LTBP4: variants seen among roughly 807,000 people sequenced by gnomAD.
LTBP4 encodes latent transforming growth factor beta binding protein 4, also known as latent-transforming growth factor beta-binding protein 4.
A neutral mutation model predicts 180.2 loss-of-function variants in LTBP4; 93 were observed. That is an observed-to-expected ratio of 0.52 (90% CI 0.44 to 0.61). The LOEUF (loss-of-function observed/expected upper bound fraction) is 0.61, where lower values mean the gene tolerates loss of function less well. LTBP4 is among the 20% of genes least tolerant of loss of function. The pLI, the probability that LTBP4 is intolerant of heterozygous loss-of-function variation, is 0.00. For missense variants in LTBP4, 2,116 were observed against 2,256.5 expected, an observed-to-expected ratio of 0.94 and a Z score of 1.26; for synonymous variants, 947 against 934.5, an observed-to-expected ratio of 1.01 and a Z score of -0.24.
intron 1 of LTBP4, among the ~76,000 whole-genome samples, chr19:40,604,827 C>A (rs976046115): frequency 6.6e-6 from 1 of 152,138 alleles, no homozygotes; most frequent in East Asian, 1.9e-4. Context: ...GGCAATAGAG[C>A]GAGATCCTGC....
chr19:40,627,380 G>C, intron 28 of LTBP4, 25 bp downstream of exon 28: 3 of 1,475,264 alleles, frequency 2.0e-6, no homozygotes, highest in Non-Finnish European at 2.7e-6. Context: ...CGCATGATGA[G>C]ACTGAGATGA....
rs1481024335 is a variant in LTBP4 at position 40,609,680 on chromosome 19, G to A, written c.1558+19G>A. 6.2e-7 allele frequency: 1 copy of A among 1,612,072 alleles called. No individual in the cohort carries two copies. The highest frequency in any genetic ancestry group is 8.5e-7 in the Non-Finnish European group (1 of 1,178,908). On this transcript the variant is annotated intron_variant, in intron 10 of 29. Coordinates refer to ENST00000396819, the MANE Select transcript of LTBP4 (RefSeq NM_001042545.2). This position sits in a 1 kb window ranked among gnomAD's most constrained non-coding sequence, Gnocchi z 4.9. ...TGCATTGGTGAGCAAGACGGAGGGC[G>A]CGGAAGGAGGCGGGGCGGGGGGCTT...
rs1484832639 is a variant in LTBP4, at chr19:40,616,871, C to T, written c.2813-18C>T. 6.2e-7 allele frequency: 1 copy of T among 1,612,872 alleles called. No homozygotes were observed. The highest frequency in any genetic ancestry group is 1.1e-5 in the South Asian group (1 of 90,792). On this transcript the variant is annotated intron_variant, in intron 19 of 29. Coordinates refer to ENST00000396819, the MANE Select transcript of LTBP4 (RefSeq NM_001042545.2). ...TTCAGGCCTTTGACTCCCCTTTCATCTCCTCCACACTCTGCAGATGTGGAT... is the reference window on the plus strand; with the variant it reads ...TTCAGGCCTTTGACTCCCCTTTCATTTCCTCCACACTCTGCAGATGTGGAT...
intron 24 of LTBP4, 35 bp from the exon 25 acceptor site, chr19:40,623,569 G>A: frequency 6.3e-7 from 1 of 1,599,102 alleles, no homozygotes; most frequent in South Asian, 1.1e-5. Flanking sequence ...CACCCATCCA[G>A]CCCGCCCCCA....
In LTBP4 at chr19:40,613,643, G is replaced by A; in HGVS notation, c.2557+114G>A. ...ACGAGTTTTTAGCCGGGGTATTCCA[G>A]CAGGATCAGGGGGCAGCTGGTGGGA... On this transcript the variant is annotated intron_variant, in intron 17 of 29. Coordinates refer to ENST00000396819, the MANE Select transcript of LTBP4 (RefSeq NM_001042545.2). This position sits in a 1 kb window ranked among gnomAD's most constrained non-coding sequence, Gnocchi z 5.0. The A allele has an allele frequency of 6.7e-7, 1 of 1,501,080 alleles. No individual in the cohort carries two copies. Among genetic ancestry groups the A allele is most frequent in the African/African-American group, 1.4e-5 (1 of 72,386 alleles). 93.0% of individuals were successfully genotyped at this position (1,501,080 alleles called of 1,614,324 possible).
At chr19:40,597,037 C>T (rs1305057602), upstream of LTBP4, among the ~76,000 whole-genome samples, 2 of 152,150 alleles carry the variant, frequency 1.3e-5, 1 homozygote, top group South Asian at 4.1e-4. Flanking sequence ...CCTGTCCCTG[C>T]TGCCTCCTGA....
chr19:40,597,301 G>A (rs1414997933), upstream of LTBP4: 19 of 1,525,830 alleles, frequency 1.2e-5, no homozygotes, highest in Non-Finnish European at 1.6e-5. Flanking sequence ...GCTCTTCGCA[G>A]CCGCCACCTC....
rs1417236833 is a variant in LTBP4 at position 40,608,300 on chromosome 19, G to A, written c.1237G>A (p.Gly413Ser). Reference protein sequence around the residue: ...SDLRYNTRPLGQEPPRVSLSQ... With the variant: ...SDLRYNTRPLSQEPPRVSLSQ... ...CCTCCGCTACAACACCAGACCCCTG[G>A]GCCAGGAGCCACCCCGAGTGTCACT... Residue 413 changes from glycine (G) to serine (S), a missense_variant, in exon 8 of 30, where the codon GGC (glycine) becomes AGC (serine). Physicochemically the swap from Gly to Ser is moderately conservative, Grantham distance 56. This residue lies in a region of LTBP4 where 877 missense variants were observed against 873.6 expected (regional missense o/e 1.00). Coordinates refer to ENST00000396819, the MANE Select transcript of LTBP4 (RefSeq NM_001042545.2). 2 of 1,613,670 alleles carry A rather than the reference G, an allele frequency of 1.2e-6. No individual in the cohort carries two copies. The highest frequency in any genetic ancestry group is 1.7e-6 in the Non-Finnish European group (2 of 1,179,868).
chr19:40,618,739 A>G (rs940034612), intron 21 of LTBP4, among the ~76,000 whole-genome samples: 1 of 152,218 alleles, frequency 6.6e-6, no homozygotes, highest in Non-Finnish European at 1.5e-5. Flanking sequence ...TTAATTATAC[A>G]TTCTGTAAAT....
rs569943685 is a variant in LTBP4, at chr19:40,606,317, G to C, written c.868+10G>C. On this transcript the variant is annotated intron_variant, in intron 5 of 29. Transcript: ENST00000396819. ...AATGGGTCCTGCGAAGGTGCAACGGGGCAGGGGTGGGAGGGGCTTGGTTCT... is the reference window on the plus strand; with the variant it reads ...AATGGGTCCTGCGAAGGTGCAACGGCGCAGGGGTGGGAGGGGCTTGGTTCT... 4 of 1,601,106 alleles carry C rather than the reference G, an allele frequency of 2.5e-6. No homozygotes were observed. The East Asian group carries it at 6.8e-5, about 27-fold the overall frequency.
Position 40,607,539 on chromosome 19 carries a change from T to G in LTBP4, c.1156+10T>G, listed in dbSNP as rs1270830751. Reference sequence around the variant, plus strand: ...CCACCCTTCGGCTCAGGTGAGCCCCTGCGGCAGTGCCTAGCCCTACGCGCA... The same window carrying G: ...CCACCCTTCGGCTCAGGTGAGCCCCGGCGGCAGTGCCTAGCCCTACGCGCA... On this transcript the variant is annotated intron_variant, in intron 7 of 29. Transcript: ENST00000396819. 2.5e-6 allele frequency: 4 copies of G among 1,602,938 alleles called. No individual in the cohort carries two copies. The highest frequency in any genetic ancestry group is 3.4e-6 in the Non-Finnish European group (4 of 1,175,260).
chr19:40,604,662 A>G (rs1051490820), intron 1 of LTBP4, among the ~76,000 whole-genome samples: 2 of 152,190 alleles, frequency 1.3e-5, no homozygotes, highest in Non-Finnish European at 2.9e-5. Context: ...TGGCCAACAT[A>G]GTGAGACCCC....
At chr19:40,599,422 C>T (rs2081408267), upstream of LTBP4, 2 of 1,613,788 alleles carry the variant, frequency 1.2e-6, no homozygotes, top group African/African-American at 1.3e-5. Flanking sequence ...TCTCCGAAGC[C>T]TTCTGCAGGG....
At chr19:40,593,247 G>T in intron 1 of LTBP4, 1 of 1,593,392 alleles carries the variant, frequency 6.3e-7, no homozygotes, top group South Asian at 1.1e-5. Flanking sequence ...TTTTGTTTTT[G>T]TTTGTTTGTT....
intron 22 of LTBP4, among the ~76,000 whole-genome samples, chr19:40,621,533 C>T (rs1035697425): frequency 2.0e-5 from 3 of 152,178 alleles, no homozygotes; most frequent in South Asian, 4.1e-4. Context: ...AAACCTCCCT[C>T]TGGCCGCCAT....
upstream of LTBP4, among the ~76,000 whole-genome samples, chr19:40,601,189 G>A (rs1378038383): frequency 6.6e-6 from 1 of 151,968 alleles, no homozygotes; most frequent in Non-Finnish European, 1.5e-5. Flanking sequence ...TCACCCCTGC[G>A]AGTCTAGCGC....
chr19:40,629,619 G>A lies in LTBP4; in HGVS notation c.*69G>A, dbSNP rs2146056820. ...GCCCCTGCCGCGCATCCTGCAGCCC[G>A]CTTATGCGTATGTGCACGGGGCCGC... is the stretch of plus-strand genomic sequence containing the variant. On this transcript the variant is annotated 3_prime_UTR_variant, in exon 30 of 30. Coordinates refer to ENST00000396819, the MANE Select transcript of LTBP4 (RefSeq NM_001042545.2). The surrounding 1 kb of genome is among the most constrained non-coding windows in gnomAD (Gnocchi z 4.5). The A allele has an allele frequency of 2.3e-6, 3 of 1,308,276 alleles. No individual in the cohort carries two copies. The highest frequency in any genetic ancestry group is 1.9e-5 in the South Asian group (1 of 53,296). The allele number at this position is 1,308,276 out of a possible 1,614,324, so 81.0% of individuals were successfully genotyped here.
chr19:40,606,583 C>T, intron 6 of LTBP4, 57 bp downstream of exon 6: 1 of 1,528,806 alleles, frequency 6.5e-7, no homozygotes, highest in Non-Finnish European at 8.8e-7. Context: ...CTCAGAAGTC[C>T]CAGAGCATCC....
At chr19:40,602,354 T>C (rs1599859029) in intron 1 of LTBP4, among the ~76,000 whole-genome samples, 1 of 145,416 alleles carries the variant, frequency 6.9e-6, no homozygotes, top group South Asian at 2.2e-4. Context: ...GGGGTTCAGG[T>C]GAGGTGGGGG....
Sources: allele counts gnomAD v4.1 joint callset (sites outside exome capture counted in the v4.1 genomes callset), GRCh38; gene constraint gnomAD v4.1.1; regional missense constraint gnomAD v4.1.1; non-coding constraint Gnocchi (gnomAD v3.1); transcripts MANE v1.5; gene names NCBI Gene and HGNC (gene_info 2026-07-23, HGNC 2026-07-21).